SLC4A10: variants seen among roughly 807,000 people sequenced by gnomAD.
SLC4A10 encodes solute carrier family 4 member 10, also known as sodium-driven chloride bicarbonate exchanger.
A neutral mutation model predicts 137.7 loss-of-function variants in SLC4A10; 42 were observed. The ratio of observed to expected loss-of-function variants is 0.30; its 90% confidence interval spans 0.24 to 0.39. SLC4A10 has a LOEUF of 0.39. Among genes scored for constraint, SLC4A10 ranks in the 10% least tolerant of loss-of-function variants. The probability of loss-of-function intolerance (pLI) is 1.00; values close to 1 mark genes in which losing one functional copy is unlikely to be tolerated. For synonymous variants in SLC4A10, 474 were observed against 464.1 expected, an observed-to-expected ratio of 1.02 and a Z score of -0.27; for missense variants, 925 against 1,355.0, an observed-to-expected ratio of 0.68 and a Z score of 4.98.
chr2:161,814,441 C>T (rs190247049), intron 3 of SLC4A10, among the ~76,000 whole-genome samples: 1 of 152,100 alleles, frequency 6.6e-6, no homozygotes, highest in East Asian at 1.9e-4. Flanking sequence ...TACCCAAAGG[C>T]AAATGAATCA....
At chr2:161,884,407 G>A (rs376454341) in intron 10 of SLC4A10, among the ~76,000 whole-genome samples, 6 of 152,160 alleles carry the variant, frequency 3.9e-5, no homozygotes, top group Admixed American at 2.0e-4. Context: ...GATTTTTCTC[G>A]ACAGAAAGAT....
intron 16 of SLC4A10, among the ~76,000 whole-genome samples, chr2:161,945,716 G>A (rs555429011): frequency 6.6e-6 from 1 of 151,690 alleles, no homozygotes; most frequent in Admixed American, 6.6e-5. Context: ...TTTAAAATTA[G>A]CATTTTGTTT....
intron 1 of SLC4A10, among the ~76,000 whole-genome samples, chr2:161,729,808 C>T (rs565587337): frequency 1.8e-4 from 28 of 152,272 alleles, no homozygotes; most frequent in African/African-American, 6.3e-4. Flanking sequence ...GCTGTTGTTG[C>T]CTTCTCATCA....
At chr2:161,713,932 A>G (rs1159111711) in intron 1 of SLC4A10, among the ~76,000 whole-genome samples, 1 of 151,866 alleles carries the variant, frequency 6.6e-6, no homozygotes, top group East Asian at 1.9e-4. Context: ...GACTTTTGGT[A>G]TCAGATGCAG....
chr2:161,723,394 G>A (rs1394748316), intron 1 of SLC4A10, among the ~76,000 whole-genome samples: 1 of 152,156 alleles, frequency 6.6e-6, no homozygotes, highest in Non-Finnish European at 1.5e-5. Context: ...CTCAATAGGG[G>A]AGCCTGGATA....
At chr2:161,695,272 G>A (rs1353909045) in intron 1 of SLC4A10, among the ~76,000 whole-genome samples, 1 of 151,948 alleles carries the variant, frequency 6.6e-6, no homozygotes, top group Admixed American at 6.6e-5. Context: ...CCTATAATTA[G>A]CATTGATTTT....
chr2:161,732,015 A>G (rs1336314238), intron 1 of SLC4A10, among the ~76,000 whole-genome samples: 2 of 152,188 alleles, frequency 1.3e-5, no homozygotes, highest in African/African-American at 2.4e-5. Context: ...AAAGATACCA[A>G]TGAAGAGATG....
chr2:161,952,540 AT>A (rs1559614285), intron 19 of SLC4A10, among the ~76,000 whole-genome samples: 1 of 152,184 alleles, frequency 6.6e-6, no homozygotes, highest in Non-Finnish European at 1.5e-5. Context: ...CAAATAAATG[AT>A]TATGTAGTCA....
intron 1 of SLC4A10, among the ~76,000 whole-genome samples, chr2:161,625,988 G>T (rs1449680914): frequency 1.3e-5 from 2 of 152,040 alleles, no homozygotes; most frequent in Non-Finnish European, 2.9e-5. Flanking sequence ...AAAAAAATAC[G>T]TGTAAAAGAT....
At chr2:161,628,255 A>T (rs1665800673) in intron 1 of SLC4A10, among the ~76,000 whole-genome samples, 3 of 152,060 alleles carry the variant, frequency 2.0e-5, no homozygotes. Context: ...ATGACGTTTA[A>T]TCTTGGGTGA....
At chr2:161,687,117 A>C (rs1056414873) in intron 1 of SLC4A10, among the ~76,000 whole-genome samples, 6 of 152,056 alleles carry the variant, frequency 3.9e-5, no homozygotes, top group African/African-American at 1.4e-4. Context: ...TCCTAACCTC[A>C]GCTGATGGGC....
At chr2:161,730,494 A>G (rs962532853) in intron 1 of SLC4A10, among the ~76,000 whole-genome samples, 5 of 152,164 alleles carry the variant, frequency 3.3e-5, no homozygotes, top group Non-Finnish European at 5.9e-5. Context: ...AACCATCATC[A>G]TTATCTTCTT....
intron 2 of SLC4A10, among the ~76,000 whole-genome samples, chr2:161,791,334 G>A (rs950174746): frequency 1.3e-5 from 2 of 152,164 alleles, no homozygotes; most frequent in African/African-American, 4.8e-5. Context: ...GATGGAACTG[G>A]AAGCCATTAC....
intron 1 of SLC4A10, among the ~76,000 whole-genome samples, chr2:161,749,353 C>T (rs576005818): frequency 9.8e-4 from 149 of 151,940 alleles, no homozygotes; most frequent in Non-Finnish European, 1.7e-3. Context: ...TGTACCAGAT[C>T]GTAGAAGAAA....
At chr2:161,744,476 TAAATACCAATTGGTCATGATG>T (rs1429422821) in intron 1 of SLC4A10, among the ~76,000 whole-genome samples, 8 of 152,220 alleles carry the variant, frequency 5.3e-5, no homozygotes, top group African/African-American at 1.9e-4. Context: ...ATCCCTGGGA[TAAATACCAATTGGTCATGATG>T]GATGAACTTT....
chr2:161,690,484 A>G (rs1185187045), intron 1 of SLC4A10, among the ~76,000 whole-genome samples: 1 of 152,234 alleles, frequency 6.6e-6, no homozygotes, highest in Non-Finnish European at 1.5e-5. Flanking sequence ...TTATAAAGAT[A>G]CATGAATGCA....
intron 1 of SLC4A10, among the ~76,000 whole-genome samples, chr2:161,681,973 ATTTTGACTTTTGC>A (rs2040904589): frequency 6.6e-6 from 1 of 152,088 alleles, no homozygotes; most frequent in Non-Finnish European, 1.5e-5. Context: ...TTAAAAATGT[ATTTTGACTTTTGC>A]TTTTGACTTT....
Position 161,958,505 on chromosome 2 carries a change from C to T in SLC4A10, c.2812C>T (p.Leu938=), listed in dbSNP as rs1417786953. ...TTTACAGTTTATTCCCATGCCAGTG[C>T]TATATGGAGTGTTTCTTTATATGGG... ...SILKFIPMPV[L]YGVFLYMGAS... Residue 938 remains leucine (L), a synonymous_variant, in exon 21 of 27, where the codon CTA becomes TTA. Coordinates refer to ENST00000446997, the MANE Select transcript of SLC4A10 (RefSeq NM_001178015.2). 6.2e-7 allele frequency: 1 copy of T among 1,611,178 alleles called. No homozygotes were observed. Among genetic ancestry groups the T allele is most frequent in the African/African-American group, 1.3e-5 (1 of 74,814 alleles).
Position 161,947,640 on chromosome 2 carries a change from A to G in SLC4A10, c.2178A>G (p.Leu726=), listed in dbSNP as rs764062542. The change falls in exon 17 of 27, where the codon CTA becomes CTG. Residue 726 remains leucine, a synonymous_variant. Transcript: ENST00000446997. ...ATCACCCATATGTTCCAGATGTTCT[A>G]TTTTGGTCTGTGATCCTGTTCTTTT... ...GHDHPYVPDV[L]FWSVILFFST... 1.3e-5 allele frequency: 21 copies of G among 1,613,134 alleles called. No individual in the cohort carries two copies. The African/African-American group carries it at 1.6e-4, about 12-fold the overall frequency.
Sources: gnomAD v4.1 joint callset for allele counts (sites outside exome capture counted in the v4.1 genomes callset) on GRCh38, gnomAD v4.1.1 for gene constraint, MANE v1.5 for transcripts, NCBI Gene and HGNC (gene_info 2026-07-23, HGNC 2026-07-21) for gene names.